Variants in KL observed in about 807,000 individuals in gnomAD.
KL encodes the protein klotho, also known as alpha-klotho.
In KL, 62 loss-of-function variants were observed where a neutral mutation model predicts 84.2. That is an observed-to-expected ratio of 0.74 (90% CI 0.60 to 0.91). The LOEUF is 0.91. KL is among the 40% of genes least tolerant of loss of function. KL has a pLI of 0.00. For synonymous variants in KL, 528 were observed against 528.0 expected (o/e 1.00, Z 0.00); for missense variants, 1,261 against 1,305.7 (o/e 0.97, Z 0.53).
rs781569511 is a variant in KL at position 33,017,304 on chromosome 13, G to A, written c.819+45G>A. On this transcript the variant is annotated intron_variant, in intron 1 of 4. Transcript: ENST00000380099. Reference sequence around the variant, plus strand: ...CGGAGGGCCACGCAGGGGAGACAGAGGGCCTCCACAGGGGCCAGGGGGAAG... The same window carrying A: ...CGGAGGGCCACGCAGGGGAGACAGAAGGCCTCCACAGGGGCCAGGGGGAAG... 3.7e-4 allele frequency: 556 copies of A among 1,499,046 alleles called. 2 individuals carry two copies. The highest frequency in any genetic ancestry group is 4.5e-4 in the Non-Finnish European group (505 of 1,120,112). The allele number at this position is 1,499,046 out of a possible 1,614,324, so 92.9% of individuals were successfully genotyped here. A position where few individuals can be genotyped will look rare whatever the true frequency, so the allele number is the denominator to read the frequency against.
In KL at chr13:33,054,239, T is replaced by A. The variant is rs1205833458; in HGVS notation, c.1292T>A (p.Met431Lys). 1.6e-5 allele frequency: 26 copies of A among 1,613,810 alleles called. No homozygotes were observed. The highest frequency in any genetic ancestry group is 2.2e-5 in the Non-Finnish European group (26 of 1,179,954). ...GTTKRDDAKY[M>K]YYLKKFIMET... Reference sequence around the variant, plus strand: ...ACCAAGAGAGATGATGCCAAATATATGTATTACCTCAAAAAGTTCATCATG... The same window carrying A: ...ACCAAGAGAGATGATGCCAAATATAAGTATTACCTCAAAAAGTTCATCATG... Residue 431 changes from methionine (M) to lysine (K), a missense_variant, in exon 2 of 5, where the codon ATG becomes AAG. By Grantham distance (95) the Met-to-Lys change is moderately conservative (BLOSUM62 -1). Coordinates refer to ENST00000380099, the MANE Select transcript of KL (RefSeq NM_004795.4).
At chr13:33,048,819 G>C (rs1039713283) in intron 1 of KL, among the ~76,000 whole-genome samples, 1 of 152,146 alleles carries the variant, frequency 6.6e-6, no homozygotes, top group Non-Finnish European at 1.5e-5. Context: ...GGTTCTGTGG[G>C]GGATACGTAT....
chr13:33,034,735 C>T (rs952911553), intron 1 of KL, among the ~76,000 whole-genome samples: 2 of 152,062 alleles, frequency 1.3e-5, no homozygotes, highest in African/African-American at 4.8e-5. Flanking sequence ...TGATTTGTTC[C>T]CTGTTGTGCC....
Position 33,061,379 on chromosome 13 carries a change from C to G in KL, c.2300C>G (p.Ser767Cys), listed in dbSNP as rs1872192864. 2 of 1,614,012 alleles carry G rather than the reference C, an allele frequency of 1.2e-6. No individual in the cohort carries two copies. The highest frequency in any genetic ancestry group is 1.1e-5 in the South Asian group (1 of 91,082). Residue 767 changes from serine (S) to cysteine (C), a missense_variant, in exon 4 of 5, where the codon TCT becomes TGT. Physicochemically the swap from Ser to Cys is moderately radical, Grantham distance 112 (BLOSUM62 -1). Transcript: ENST00000380099. ...TGGCTGGCTGAGCCCATTTTCGGCT[C>G]TGGAGATTATCCATGGGTGATGAGG... ...IGWLAEPIFG[S>C]GDYPWVMRDW...
rs1443969449 is a variant in KL at position 33,017,230 on chromosome 13, G to C, written c.790G>C (p.Gly264Arg). 9 of 1,587,210 alleles carry C rather than the reference G, an allele frequency of 5.7e-6. No individual in the cohort carries two copies. The highest frequency in any genetic ancestry group is 7.7e-6 in the Non-Finnish European group (9 of 1,173,892). ...APGIRGSPRL[G>R]YLVAHNLLLA... ...CGGCATCCGGGGCAGCCCGCGGCTC[G>C]GGTACCTGGTGGCGCACAACCTCCT... Residue 264 changes from glycine to arginine, a missense_variant, in exon 1 of 5, where the codon GGG becomes CGG. Transcript: ENST00000380099.
At chr13:33,048,560 T>G (rs1871624656) in intron 1 of KL, among the ~76,000 whole-genome samples, 1 of 152,266 alleles carries the variant, frequency 6.6e-6, no homozygotes, top group Non-Finnish European at 1.5e-5. Flanking sequence ...GGAAATCTCA[T>G]GCAGACTTCT....
In KL at chr13:33,064,039, A is replaced by G; in HGVS notation, c.2892A>G (p.Pro964=). The change falls in exon 5 of 5, where the codon CCA becomes CCG. Residue 964 remains proline (P), a synonymous_variant. Coordinates refer to ENST00000380099, the MANE Select transcript of KL (RefSeq NM_004795.4). The stretch of plus-strand genomic sequence containing the variant: ...CAGAAACTCTGGAAAGATTTTGTCC[A>G]GAAGAATTCACCGTGTGTACTGAGT... The part of the protein sequence containing the change: ...PGPETLERFC[P]EEFTVCTECS... 2 of 1,614,238 alleles carry G rather than the reference A, an allele frequency of 1.2e-6. No homozygotes were observed. The highest frequency in any genetic ancestry group is 2.2e-5 in the East Asian group (1 of 44,890).
At chr13:33,054,795 A>C (rs1234642301) in intron 2 of KL, among the ~76,000 whole-genome samples, 1 of 152,196 alleles carries the variant, frequency 6.6e-6, no homozygotes, top group Non-Finnish European at 1.5e-5. Flanking sequence ...ATCTATTATA[A>C]ATAAGGAACT....
chr13:33,061,863 C>T (rs1872222983), intron 4 of KL, 83 bp downstream of exon 4: 3 of 1,377,216 alleles, frequency 2.2e-6, no homozygotes, highest in Non-Finnish European at 3.1e-6. Flanking sequence ...AACATCAACA[C>T]ACACTGCCAC....
chr13:33,046,434 T>C (rs889820578), intron 1 of KL, among the ~76,000 whole-genome samples: 3 of 152,204 alleles, frequency 2.0e-5, no homozygotes, highest in African/African-American at 7.2e-5. Flanking sequence ...ATGTTCATAA[T>C]GTTCTCTTGT....
At chr13:33,019,987 C>T (rs1044884102) in intron 1 of KL, among the ~76,000 whole-genome samples, 1 of 152,028 alleles carries the variant, frequency 6.6e-6, no homozygotes, top group African/African-American at 2.4e-5. Flanking sequence ...GAGTTCAGCC[C>T]CAGCAGTGCC....
chr13:33,059,787 T>C (rs1304760707), intron 3 of KL, among the ~76,000 whole-genome samples: 2 of 152,020 alleles, frequency 1.3e-5, no homozygotes, highest in African/African-American at 2.4e-5. Flanking sequence ...TCGGACTTTC[T>C]ACCATCAGTC....
At chr13:33,042,006 A>G (rs1871355579) in intron 1 of KL, among the ~76,000 whole-genome samples, 1 of 152,182 alleles carries the variant, frequency 6.6e-6, no homozygotes, top group African/African-American at 2.4e-5. Context: ...ATCCCCTAGA[A>G]AAGTGCCTAG....
chr13:33,043,922 T>C (rs1037976658), intron 1 of KL, among the ~76,000 whole-genome samples: 2 of 152,194 alleles, frequency 1.3e-5, no homozygotes, highest in Admixed American at 6.5e-5. Flanking sequence ...TAAGAAGTAT[T>C]TTCCTACTCC....
intron 1 of KL, among the ~76,000 whole-genome samples, chr13:33,018,880 T>C (rs1466168957): frequency 6.6e-6 from 1 of 152,226 alleles, no homozygotes; most frequent in Non-Finnish European, 1.5e-5. Flanking sequence ...TTATAGTGAC[T>C]TATAGGATCA....
intron 1 of KL, among the ~76,000 whole-genome samples, chr13:33,037,132 T>C (rs1871168082): frequency 1.3e-5 from 2 of 152,210 alleles, no homozygotes; most frequent in African/African-American, 4.8e-5. Flanking sequence ...TTGGGGAACA[T>C]TGGGGGTCAG....
intron 3 of KL, among the ~76,000 whole-genome samples, chr13:33,057,297 G>A (rs983079479): frequency 6.6e-6 from 1 of 152,118 alleles, no homozygotes; most frequent in Admixed American, 6.5e-5. Flanking sequence ...GGTGTCGGAG[G>A]GAGCCCTACT....
chr13:33,023,255 T>C (rs1222303374), intron 1 of KL, among the ~76,000 whole-genome samples: 2 of 152,208 alleles, frequency 1.3e-5, no homozygotes, highest in African/African-American at 2.4e-5. Flanking sequence ...TCTACCACAT[T>C]GCCTAACTCC....
intron 1 of KL, among the ~76,000 whole-genome samples, chr13:33,045,163 T>C (rs939090886): frequency 6.6e-6 from 1 of 152,250 alleles, no homozygotes; most frequent in Admixed American, 6.5e-5. Flanking sequence ...TCATTGCTAT[T>C]GTACAGAAAT....
Sources: gnomAD v4.1 joint callset for allele counts (sites outside exome capture counted in the v4.1 genomes callset) on GRCh38, gnomAD v4.1.1 for gene constraint, MANE v1.5 for transcripts, NCBI Gene and HGNC (gene_info 2026-07-23, HGNC 2026-07-21) for gene names.